The following LRP1B variants were observed in gnomAD, a reference collection of about 807,000 sequenced individuals.
LRP1B encodes low-density lipoprotein receptor-related protein 1B.
LRP1B carries 217 observed loss-of-function variants against 556.6 expected under a neutral mutation model. The observed-to-expected ratio is 0.39, with a 90% CI of 0.35 to 0.44. The LOEUF is 0.44. Among genes scored for constraint, LRP1B ranks in the 20% least tolerant of loss-of-function variants. The probability of loss-of-function intolerance (pLI) is 1.00; values close to 1 mark genes in which losing one functional copy is unlikely to be tolerated. For synonymous variants in LRP1B, 2,047 were observed against 1,865.8 expected (o/e 1.10, Z -2.50); for missense variants, 5,053 against 5,620.8 (o/e 0.90, Z 3.23).
At chr2:141,763,957 G>T (rs1694647117) in intron 2 of LRP1B, among the ~76,000 whole-genome samples, 1 of 152,064 alleles carries the variant, frequency 6.6e-6, no homozygotes. Context: ...ATTGCAATTT[G>T]CTAATTCACA....
At chr2:140,604,653 G>T (rs493102) in intron 41 of LRP1B, among the ~76,000 whole-genome samples, 88,048 of 151,926 alleles carry the variant, frequency 0.58, 25,808 homozygotes, top group Non-Finnish European at 0.61. Context: ...TTAAACACTG[G>T]TATTCATCCG....
intron 1 of LRP1B, among the ~76,000 whole-genome samples, chr2:142,010,087 T>C (rs1401863262): frequency 6.6e-6 from 1 of 152,156 alleles, no homozygotes; most frequent in Non-Finnish European, 1.5e-5. Context: ...GGAGCAATTT[T>C]GCCTCCCATG....
rs746794070 is a variant in LRP1B at position 140,883,916 on chromosome 2, T to A, written c.4070A>T (p.Asp1357Val). Reference protein sequence around the residue: ...GNIYWIDSNLDQIEVAKLDGS... With the variant: ...GNIYWIDSNLVQIEVAKLDGS... ...ATCTAGTTTGGCCACTTCGATTTGG[T>A]CCAGATTGCTGTCTATCCAGTATAT... The change falls in exon 25 of 91, where the codon GAC (aspartate) becomes GTC (valine). Residue 1357 changes from aspartate (D) to valine (V), a missense_variant. Physicochemically the swap from Asp to Val is radical, Grantham distance 152. Coordinates refer to ENST00000389484, the MANE Select transcript of LRP1B (RefSeq NM_018557.3). 2 of 1,613,842 alleles carry A rather than the reference T, an allele frequency of 1.2e-6. No homozygotes were observed. The highest frequency in any genetic ancestry group is 1.7e-6 in the Non-Finnish European group (2 of 1,179,938).
intron 2 of LRP1B, among the ~76,000 whole-genome samples, chr2:141,688,430 T>G (rs992382950): frequency 1.3e-5 from 2 of 151,024 alleles, no homozygotes; most frequent in Admixed American, 1.3e-4. Context: ...ATATCACATA[T>G]TTTTAAAAAC....
At chr2:140,831,651 C>G (rs540633696) in intron 31 of LRP1B, among the ~76,000 whole-genome samples, 8 of 152,098 alleles carry the variant, frequency 5.3e-5, no homozygotes, top group African/African-American at 1.9e-4. Context: ...GCACAGGCAA[C>G]AAAAGCAAAA....
At chr2:141,603,997 C>CCTAAT (rs1452873627) in intron 2 of LRP1B, among the ~76,000 whole-genome samples, 2 of 152,134 alleles carry the variant, frequency 1.3e-5, no homozygotes, top group African/African-American at 4.8e-5. Context: ...ATTAAATCTT[C>CCTAAT]CTAATTCTTC....
rs572943248 is a variant in LRP1B, at chr2:141,200,212, A to T, written c.851-11629T>A. Among the ~76,000 whole-genome samples, 7 of 152,314 alleles carry T rather than the reference A, an allele frequency of 4.6e-5. No homozygotes were observed. The South Asian group carries it at 1.5e-3, about 32-fold the overall frequency. On this transcript the variant is annotated intron_variant, in intron 6 of 90. Coordinates refer to ENST00000389484, the MANE Select transcript of LRP1B (RefSeq NM_018557.3). The stretch of plus-strand genomic sequence containing the variant: ...CTGGTAGACTAGATAAAGGAAATAT[A>T]GTACATATACACCAAAGAAAACTAT...
intron 5 of LRP1B, 25 bp from the exon 6 acceptor site, chr2:141,229,465 G>A (rs1191075953): frequency 6.9e-7 from 1 of 1,449,480 alleles, no homozygotes. Flanking sequence ...AAAAAGAGAA[G>A]TAAATTCAGT....
intron 7 of LRP1B, among the ~76,000 whole-genome samples, chr2:141,064,136 G>T (rs1285499964): frequency 6.6e-6 from 1 of 151,914 alleles, no homozygotes; most frequent in African/African-American, 2.4e-5. Flanking sequence ...GAGGTCAGAA[G>T]TTAGCAGTAA....
rs6739042 is a variant in LRP1B, at chr2:140,481,928, C to G, written c.9425+3415G>C. ...TGTGTCTGTTCTTTCCTAGAGAGACCGTTCTTTTTGCCAAAAAATATCTCT... is the reference window on the plus strand; with the variant it reads ...TGTGTCTGTTCTTTCCTAGAGAGACGGTTCTTTTTGCCAAAAAATATCTCT... On this transcript the variant is annotated intron_variant, in intron 59 of 90. Coordinates refer to ENST00000389484, the MANE Select transcript of LRP1B (RefSeq NM_018557.3). Among the ~76,000 whole-genome samples the G allele has an allele frequency of 8.7e-4, 132 of 152,138 alleles. No homozygotes were observed. In the East Asian group the frequency reaches 0.022, roughly 25 times the overall value.
At chr2:142,113,718 A>G (rs1707087557) in intron 1 of LRP1B, among the ~76,000 whole-genome samples, 1 of 152,114 alleles carries the variant, frequency 6.6e-6, no homozygotes, top group South Asian at 2.1e-4. Context: ...GTTTTTATTC[A>G]AAGCAATGCT....
At chr2:141,176,398 T>A (rs1377405483) in intron 7 of LRP1B, among the ~76,000 whole-genome samples, 1 of 152,032 alleles carries the variant, frequency 6.6e-6, no homozygotes, top group Non-Finnish European at 1.5e-5. Flanking sequence ...GTTCTCATGA[T>A]AGTGAGTAAG....
chr2:141,176,582 C>A (rs1188287725), intron 7 of LRP1B, among the ~76,000 whole-genome samples: 10 of 152,150 alleles, frequency 6.6e-5, no homozygotes, highest in African/African-American at 2.2e-4. Flanking sequence ...GTCAATTAAA[C>A]CTCTTTTCTT....
chr2:140,669,650 GT>G (rs995595439), intron 41 of LRP1B, among the ~76,000 whole-genome samples: 6 of 151,846 alleles, frequency 4.0e-5, no homozygotes, highest in African/African-American at 7.3e-5. Flanking sequence ...TTTACTGACA[GT>G]TTTTTTTATA....
chr2:140,660,186 A>G (rs1685041281), intron 41 of LRP1B, among the ~76,000 whole-genome samples: 1 of 151,980 alleles, frequency 6.6e-6, no homozygotes, highest in Admixed American at 6.6e-5. Context: ...TTCAACTTTT[A>G]AAGTAACTTT....
At chr2:140,671,207 G>A (rs1685467805) in intron 41 of LRP1B, among the ~76,000 whole-genome samples, 1 of 152,068 alleles carries the variant, frequency 6.6e-6, no homozygotes, top group Admixed American at 6.6e-5. Context: ...TATTTCTTTT[G>A]AGGGCTCATT....
At chr2:141,122,344 T>C (rs1321953813) in intron 7 of LRP1B, among the ~76,000 whole-genome samples, 2 of 151,094 alleles carry the variant, frequency 1.3e-5, no homozygotes, top group Non-Finnish European at 2.9e-5. Context: ...ATTTTTGCAA[T>C]CTACTCATCT....
chr2:142,079,930 AAAGG>A (rs1705651977), intron 1 of LRP1B, among the ~76,000 whole-genome samples: 1 of 152,212 alleles, frequency 6.6e-6, no homozygotes, highest in Non-Finnish European at 1.5e-5. Flanking sequence ...TCCTGTCTAT[AAAGG>A]ATAATCAGAA....
chr2:141,209,505 C>A (rs565479328), intron 6 of LRP1B, among the ~76,000 whole-genome samples: 8 of 152,152 alleles, frequency 5.3e-5, no homozygotes, highest in Admixed American at 1.3e-4. Context: ...AGTGTGAGAA[C>A]GGACTAATCC....
Sources: gnomAD v4.1 joint callset for allele counts (sites outside exome capture counted in the v4.1 genomes callset) on GRCh38, gnomAD v4.1.1 for gene constraint, MANE v1.5 for transcripts, NCBI Gene and HGNC (gene_info 2026-07-23, HGNC 2026-07-21) for gene names.